GNG7: variants seen among roughly 807,000 people sequenced by gnomAD.
GNG7 encodes the protein guanine nucleotide-binding protein G(I)/G(S)/G(O) subunit gamma-7.
Under a neutral mutation model 4.0 loss-of-function variants are expected in GNG7, and 1 was observed. The ratio of observed to expected loss-of-function variants is 0.25; its 90% CI spans 0.09 to 1.18. The LOEUF is 1.18. Among genes scored for constraint, GNG7 ranks in the 50% most tolerant of loss-of-function variants. GNG7 has a pLI of 0.50. For missense variants in GNG7, 86 were observed against 91.9 expected (o/e 0.94, Z 0.26); for synonymous variants, 34 against 36.9 (o/e 0.92, Z 0.29).
chr19:2,606,662 A>AAAT (rs756132372), intron 2 of GNG7, among the ~76,000 whole-genome samples: 36,221 of 93,306 alleles, frequency 0.39, 4,715 homozygotes, highest in African/African-American at 0.42. Context: ...TCTCAAAAAA[A>AAAT]AATAATTAAT....
intron 1 of GNG7, among the ~76,000 whole-genome samples, chr19:2,649,474 C>T (rs911075845): frequency 1.3e-5 from 2 of 151,102 alleles, no homozygotes; most frequent in South Asian, 2.1e-4. Flanking sequence ...ACTGCAAGCT[C>T]CACCTCCCAG....
At chr19:2,516,539 T>C (rs1323129107) in intron 4 of GNG7, among the ~76,000 whole-genome samples, 1 of 152,122 alleles carries the variant, frequency 6.6e-6, no homozygotes, top group Non-Finnish European at 1.5e-5. Flanking sequence ...AATATTTTTT[T>C]AAAAAAGAAA....
chr19:2,644,222 T>A (rs762922945), intron 2 of GNG7, among the ~76,000 whole-genome samples: 1 of 151,168 alleles, frequency 6.6e-6, no homozygotes, highest in Non-Finnish European at 1.5e-5. Flanking sequence ...GGTTTCGCCA[T>A]GTTGGCCAGG....
chr19:2,648,857 A>G (rs898621066), intron 1 of GNG7, among the ~76,000 whole-genome samples: 2 of 151,310 alleles, frequency 1.3e-5, no homozygotes, highest in African/African-American at 4.9e-5. Context: ...ATAATCCTTC[A>G]ACTCTGAATC....
chr19:2,515,162 AAGG>A lies in GNG7; in HGVS notation c.82-18_82-16del, dbSNP rs1972715868. On this transcript the variant is annotated splice_polypyrimidine_tract_variant and intron_variant, in intron 4 of 4. Transcript: ENST00000382159. ...GCTTTGGAGACCTGTGTTTGAGCAC[AAGG>A]AGGAGACAGAGGAGACATAAGAAGA... 1 of 1,613,334 alleles carries A rather than the reference AAGG, an allele frequency of 6.2e-7. No individual in the cohort carries two copies. The highest frequency in any genetic ancestry group is 8.5e-7 in the Non-Finnish European group (1 of 1,179,944).
chr19:2,557,070 G>A lies in GNG7; in HGVS notation c.-77-1882C>T, dbSNP rs950068736. ...ACTCACACACATATGCACGCACACAGACACACGCACACACGTGCACACAGG... is the reference window on the plus strand; with the variant it reads ...ACTCACACACATATGCACGCACACAAACACACGCACACACGTGCACACAGG... On this transcript the variant is annotated intron_variant, in intron 2 of 4. Transcript: ENST00000382159. The surrounding 1 kb of genome is among the most constrained non-coding windows in gnomAD (Gnocchi z 5.1). Among the ~76,000 whole-genome samples, 1 of 145,252 alleles carries A rather than the reference G, an allele frequency of 6.9e-6. No individual in the cohort carries two copies. The highest frequency in any genetic ancestry group is 2.5e-5 in the African/African-American group (1 of 39,358).
At chr19:2,572,592 C>T (rs10417891) in intron 2 of GNG7, among the ~76,000 whole-genome samples, 7,492 of 145,882 alleles carry the variant, frequency 0.051, 524 homozygotes, top group East Asian at 0.31. Flanking sequence ...CCACCGCGCC[C>T]GGCCCTTTTT....
rs187499964 is a variant in GNG7, at chr19:2,656,431, G to C, written c.-134-10151C>G. On this transcript the variant is annotated intron_variant, in intron 1 of 4. Coordinates refer to ENST00000382159, the MANE Select transcript of GNG7 (RefSeq NM_052847.3). ...AGCCTGGCCAACATGGCGAAACCCT[G>C]TCTCTACTAAAAATACAAAAATTAG... is the stretch of plus-strand genomic sequence containing the variant. 5.3e-5 allele frequency among the ~76,000 whole-genome samples: 8 copies of C among 152,276 alleles called. No homozygotes were observed. In the East Asian group the frequency reaches 1.5e-3, roughly 29 times the overall value.
At chr19:2,621,549 T>TA (rs1209829459) in intron 2 of GNG7, among the ~76,000 whole-genome samples, 1 of 150,206 alleles carries the variant, frequency 6.7e-6, no homozygotes, top group African/African-American at 2.5e-5. Context: ...AACACAAAGT[T>TA]AGCCGGGCGT....
rs1376206554 is a variant in GNG7 at position 2,657,362 on chromosome 19, ATATATATATATATATATATATATAT to A, written c.-134-11107_-134-11083del. Among the ~76,000 whole-genome samples, 4 of 10,776 alleles carry A rather than the reference ATATATATATATATATATATATATAT, an allele frequency of 3.7e-4. No individual in the cohort carries two copies. In the Admixed American group the frequency reaches 5.5e-3, roughly 15 times the overall value. The allele number at this position is 10,776 out of a possible 152,430, so 7.1% of individuals were successfully genotyped here. On this transcript the variant is annotated intron_variant, in intron 1 of 4. Coordinates refer to ENST00000382159, the MANE Select transcript of GNG7 (RefSeq NM_052847.3). The stretch of plus-strand genomic sequence containing the variant: ...TAAAAAAAAAAAAAAAAAAAAAAAA[ATATATATATATATATATATATATAT>A]ATATATATATATACACATAATAACA...
intron 1 of GNG7, among the ~76,000 whole-genome samples, chr19:2,676,860 A>C (rs1381058198): frequency 6.6e-6 from 1 of 152,202 alleles, no homozygotes; most frequent in South Asian, 2.1e-4. Flanking sequence ...TGTGGCAGAG[A>C]GAAGCTGTTC....
At chr19:2,678,487 C>T (rs1294706107) in intron 1 of GNG7, among the ~76,000 whole-genome samples, 2 of 152,220 alleles carry the variant, frequency 1.3e-5, no homozygotes, top group Non-Finnish European at 1.5e-5. Context: ...GGTTGCCACA[C>T]AGTGGGCAGG....
At chr19:2,554,292 T>C (rs1440221078) in intron 3 of GNG7, among the ~76,000 whole-genome samples, 1 of 149,386 alleles carries the variant, frequency 6.7e-6, no homozygotes, top group African/African-American at 2.4e-5. Flanking sequence ...GCTCAAGTGA[T>C]CCTTCTGCCT....
chr19:2,544,457 T>TCA (rs1272896000), intron 3 of GNG7, among the ~76,000 whole-genome samples: 1 of 152,146 alleles, frequency 6.6e-6, no homozygotes, highest in African/African-American at 2.4e-5. Flanking sequence ...CGATCTCGGC[T>TCA]CACTGCAACC....
At chr19:2,569,228 A>C (rs1369311459) in intron 2 of GNG7, among the ~76,000 whole-genome samples, 7 of 152,174 alleles carry the variant, frequency 4.6e-5, no homozygotes, top group African/African-American at 1.7e-4. Context: ...CTGCTGGAGC[A>C]GGAACAGCTA....
chr19:2,688,832 G>A (rs1487017100), intron 1 of GNG7, among the ~76,000 whole-genome samples: 1 of 152,054 alleles, frequency 6.6e-6, no homozygotes, highest in Non-Finnish European at 1.5e-5. Flanking sequence ...TTGGGAGTCC[G>A]GGGTGGCAGG....
intron 2 of GNG7, among the ~76,000 whole-genome samples, chr19:2,567,822 A>G (rs2144776362): frequency 6.6e-6 from 1 of 152,074 alleles, no homozygotes. Context: ...AGAGCACCAG[A>G]CTCCGACGGG....
intron 2 of GNG7, among the ~76,000 whole-genome samples, chr19:2,604,639 C>CAA (rs71178297): frequency 0.65 from 57,081 of 87,604 alleles, 18,425 homozygotes; most frequent in East Asian, 0.92. Flanking sequence ...GACCCTCCTT[C>CAA]AAAAAAAAAA....
chr19:2,689,911 A>G (rs1047859022), intron 1 of GNG7, among the ~76,000 whole-genome samples: 4 of 152,150 alleles, frequency 2.6e-5, no homozygotes, highest in African/African-American at 9.7e-5. Context: ...CAACGACTTA[A>G]CTACACCATG....
Sources: allele counts gnomAD v4.1 joint callset (sites outside exome capture counted in the v4.1 genomes callset), GRCh38; gene constraint gnomAD v4.1.1; non-coding constraint Gnocchi (gnomAD v3.1); transcripts MANE v1.5; gene names NCBI Gene and HGNC (gene_info 2026-07-23, HGNC 2026-07-21).